SPG7: variants seen among roughly 807,000 people sequenced by gnomAD.
SPG7 encodes the protein mitochondrial inner membrane m-AAA protease component paraplegin.
In SPG7, 103 loss-of-function variants were observed where a neutral mutation model predicts 81.9. The ratio of observed to expected loss-of-function variants is 1.26; its 90% confidence interval spans 1.07 to 1.48. The LOEUF (loss-of-function observed/expected upper bound fraction) is 1.48. SPG7 is among the 40% of genes most tolerant of loss of function. The pLI, the probability that SPG7 is intolerant of heterozygous loss-of-function variation, is 0.00. For synonymous variants in SPG7, 534 were observed against 444.2 expected (o/e 1.20, Z -2.54); for missense variants, 1,241 against 1,087.3 (o/e 1.14, Z -1.99).
chr16:89,537,253 C>CCGGT lies in SPG7; in HGVS notation c.1324+4619_1324+4622dup, dbSNP rs2050373931. ...GCCCAAGCCTTGTTGGTTACGTCAG[C>CCGGT]CGGTCCATGGCGGTGTCCTGCGGAC... On this transcript the variant is annotated intron_variant, in intron 9 of 16. Transcript: ENST00000645818. 2.9e-6 allele frequency: 4 copies of CCGGT among 1,395,054 alleles called. No homozygotes were observed. The Admixed American group carries it at 9.0e-5, about 31-fold the overall frequency. The allele number at this position is 1,395,054 out of a possible 1,614,324, so 86.4% of individuals were successfully genotyped here. A position where few individuals can be genotyped will look rare whatever the true frequency, so the allele number is the denominator to read the frequency against.
intron 8 of SPG7, 63 bp downstream of exon 8, chr16:89,532,129 C>T: frequency 1.3e-6 from 2 of 1,541,476 alleles, no homozygotes; most frequent in Non-Finnish European, 8.9e-7. Flanking sequence ...TTTCACACAT[C>T]CTTCCTCTGG....
intron 2 of SPG7, among the ~76,000 whole-genome samples, chr16:89,510,958 A>G (rs4347629): frequency 0.45 from 68,091 of 152,040 alleles, 15,599 homozygotes; most frequent in East Asian, 0.67. Flanking sequence ...TCAGCCTTCC[A>G]TAGAGCCAGG....
intron 9 of SPG7, chr16:89,539,342 A>T (rs2058468192): frequency 6.6e-6 from 1 of 152,198 alleles, no homozygotes; most frequent in African/African-American, 2.4e-5. Flanking sequence ...TGTACTAAAA[A>T]TACAAAATTA....
intron 3 of SPG7, among the ~76,000 whole-genome samples, chr16:89,515,242 C>CTT (rs56289056): frequency 1.9e-3 from 262 of 140,466 alleles, no homozygotes; most frequent in Admixed American, 3.5e-3. Flanking sequence ...AGCCCTGGAC[C>CTT]TTTTTTTTTT....
intron 11 of SPG7, chr16:89,547,315 C>G (rs556614619): frequency 5.3e-6 from 1 of 187,078 alleles, no homozygotes; most frequent in Non-Finnish European, 1.1e-5. Context: ...GCCATCAATG[C>G]TCATGAGCTG....
chr16:89,551,697 T>C, intron 13 of SPG7: 1 of 152,364 alleles, frequency 6.6e-6, no homozygotes, highest in Non-Finnish European at 1.5e-5. Flanking sequence ...GAGACCAGCC[T>C]GGCCAACCTG....
At chr16:89,528,799 G>T (rs553472814) in intron 5 of SPG7, 1 of 155,228 alleles carries the variant, frequency 6.4e-6, no homozygotes, top group Admixed American at 6.3e-5. Context: ...AGTAGACACA[G>T]GGTTTATTCT....
At chr16:89,545,968 A>T (rs912849577) in intron 10 of SPG7, 1 of 446,364 alleles carries the variant, frequency 2.2e-6, no homozygotes, top group South Asian at 1.6e-5. Context: ...AGGAGCTAGG[A>T]CTACTATGGG....
chr16:89,526,269 T>G, intron 4 of SPG7, 60 bp from the exon 5 acceptor site: 1 of 1,606,568 alleles, frequency 6.2e-7, no homozygotes, highest in Non-Finnish European at 8.5e-7. Context: ...CTCTGTTGAC[T>G]GTAGGGTTGC....
chr16:89,534,568 C>T (rs927710018), intron 9 of SPG7, among the ~76,000 whole-genome samples: 6 of 152,176 alleles, frequency 3.9e-5, no homozygotes, highest in Admixed American at 6.5e-5. Flanking sequence ...CCGAGAGAGC[C>T]GTTGACTTCC....
In SPG7 at chr16:89,546,771, A is replaced by G. The variant is rs552007050; in HGVS notation, c.1552+11A>G. On this transcript the variant is annotated intron_variant, in intron 11 of 16. Transcript: ENST00000645818. ...CACCAGGATTCAGTGGTACGTTCTCAACCCGCAGCCTGGGCAGCGTCACGT... is the reference window on the plus strand; with the variant it reads ...CACCAGGATTCAGTGGTACGTTCTCGACCCGCAGCCTGGGCAGCGTCACGT... 6.4e-7 allele frequency: 1 copy of G among 1,574,482 alleles called. No homozygotes were observed. Among genetic ancestry groups the G allele is most frequent in the East Asian group, 2.2e-5 (1 of 44,662 alleles).
intron 9 of SPG7, among the ~76,000 whole-genome samples, chr16:89,536,549 AGGTGAGGTGAGGCG>A (rs2058423834): frequency 9.5e-6 from 1 of 104,954 alleles, no homozygotes; most frequent in African/African-American, 3.7e-5. Flanking sequence ...CAGGTGAGGC[AGGTGAGGTGAGGCG>A]GGTGAGGTCA....
intron 9 of SPG7, chr16:89,544,355 A>G (rs547778198): frequency 2.5e-6 from 1 of 405,936 alleles, no homozygotes; most frequent in East Asian, 5.5e-5. Context: ...CGGCTCCCAG[A>G]TGGCACCGTG....
At chr16:89,527,675 A>G (rs2058282599) in intron 5 of SPG7, among the ~76,000 whole-genome samples, 1 of 152,216 alleles carries the variant, frequency 6.6e-6, no homozygotes, top group South Asian at 2.1e-4. Context: ...CGTATGGACC[A>G]TGGACCCTGA....
chr16:89,557,426 G>T lies in SPG7; in HGVS notation c.*333G>T, dbSNP rs1214395294. 1.3e-5 allele frequency: 5 copies of T among 375,006 alleles called. No homozygotes were observed. The highest frequency in any genetic ancestry group is 1.0e-4 in the African/African-American group (5 of 48,256). The allele number at this position is 375,006 out of a possible 1,614,324, so 23.2% of individuals were successfully genotyped here. A position where few individuals can be genotyped will look rare whatever the true frequency, so the allele number is the denominator to read the frequency against. ...CCACCCAGAGGCAGCAGAGCATTCA[G>T]ACTCCAAACAGACCCCTGTTCATGC... On this transcript the variant is annotated 3_prime_UTR_variant, in exon 17 of 17. Transcript: ENST00000645818.
At chr16:89,514,931 T>TG (rs1249058838) in intron 3 of SPG7, among the ~76,000 whole-genome samples, 5 of 143,832 alleles carry the variant, frequency 3.5e-5, no homozygotes, top group African/African-American at 1.3e-4. Context: ...TGCCTGGCCT[T>TG]GACCTTTTTT....
chr16:89,553,721 G>C (rs527658538), intron 14 of SPG7, 73 bp from the exon 15 acceptor site: 76 of 1,491,302 alleles, frequency 5.1e-5, no homozygotes, highest in Non-Finnish European at 6.9e-5. Flanking sequence ...TGCTCTGACC[G>C]GGACACCTGG....
At chr16:89,555,431 C>G (rs1198557444) in intron 16 of SPG7, 1 of 156,334 alleles carries the variant, frequency 6.4e-6, no homozygotes, top group Admixed American at 6.5e-5. Flanking sequence ...AGAGAGCTCC[C>G]TGCCACCCTG....
At chr16:89,511,393 C>G (rs1348010198) in intron 2 of SPG7, among the ~76,000 whole-genome samples, 2 of 152,208 alleles carry the variant, frequency 1.3e-5, no homozygotes, top group Non-Finnish European at 2.9e-5. Flanking sequence ...ATTGACACCT[C>G]TCACTTTTAT....
Sources: allele counts gnomAD v4.1 joint callset (sites outside exome capture counted in the v4.1 genomes callset), GRCh38; gene constraint gnomAD v4.1.1; transcripts MANE v1.5; gene names NCBI Gene and HGNC (gene_info 2026-07-23, HGNC 2026-07-21).